ZNF804B: variants seen among roughly 807,000 people sequenced by gnomAD.
The protein encoded by ZNF804B is zinc finger protein 804B, also known as zinc finger 804B.
ZNF804B carries 80 observed loss-of-function variants against 101.4 expected under a neutral mutation model. That is an observed-to-expected ratio of 0.79 (90% CI 0.66 to 0.95). ZNF804B has a LOEUF of 0.95. ZNF804B is among the 40% of genes least tolerant of loss of function. The pLI is 0.00. For synonymous variants in ZNF804B, 622 were observed against 558.8 expected (o/e 1.11, Z -1.59); for missense variants, 1,673 against 1,561.9 (o/e 1.07, Z -1.20).
At chr7:89,023,526 A>C (rs1218868643) in intron 1 of ZNF804B, among the ~76,000 whole-genome samples, 3 of 152,200 alleles carry the variant, frequency 2.0e-5, no homozygotes, top group African/African-American at 7.2e-5. Context: ...AAATTGGTTA[A>C]TTCCTCTCTA....
At chr7:89,193,476 C>A (rs542958370) in intron 1 of ZNF804B, among the ~76,000 whole-genome samples, 1 of 122,502 alleles carries the variant, frequency 8.2e-6, no homozygotes, top group African/African-American at 3.0e-5. Context: ...CCCCACCCCA[C>A]AACAGTCCCC....
chr7:89,017,859 G>A (rs1038092803), intron 1 of ZNF804B, among the ~76,000 whole-genome samples: 23 of 151,902 alleles, frequency 1.5e-4, no homozygotes, highest in African/African-American at 5.3e-4. Flanking sequence ...TTTGTTGGTT[G>A]ATTTTTTTCT....
chr7:88,760,730 A>G (rs1291627595), intron 1 of ZNF804B, among the ~76,000 whole-genome samples: 1 of 151,682 alleles, frequency 6.6e-6, no homozygotes, highest in East Asian at 1.9e-4. Flanking sequence ...TTTAGTTACT[A>G]TTCAGTTTAT....
At chr7:88,925,852 G>T (rs560188600) in intron 1 of ZNF804B, among the ~76,000 whole-genome samples, 78 of 152,130 alleles carry the variant, frequency 5.1e-4, no homozygotes, top group Non-Finnish European at 9.1e-4. Context: ...AGGAAGCTCT[G>T]AAAGTAGGAA....
At chr7:88,872,333 C>G (rs1193651651) in intron 1 of ZNF804B, among the ~76,000 whole-genome samples, 1 of 152,076 alleles carries the variant, frequency 6.6e-6, no homozygotes, top group Non-Finnish European at 1.5e-5. Context: ...AGGAAAATGG[C>G]TTTAACCTAG....
chr7:88,965,928 T>C (rs1353850712), intron 1 of ZNF804B, among the ~76,000 whole-genome samples: 4 of 151,408 alleles, frequency 2.6e-5, no homozygotes, highest in Non-Finnish European at 4.4e-5. Flanking sequence ...ATACGGGTGA[T>C]TAAGAGGAAA....
At chr7:89,187,572 T>C (rs968635179) in intron 1 of ZNF804B, among the ~76,000 whole-genome samples, 10 of 152,262 alleles carry the variant, frequency 6.6e-5, no homozygotes, top group Non-Finnish European at 2.9e-5. Context: ...AGACATAAAA[T>C]TTACTGTAAT....
intron 1 of ZNF804B, among the ~76,000 whole-genome samples, chr7:89,185,620 A>G (rs924658823): frequency 6.6e-6 from 1 of 152,060 alleles, no homozygotes; most frequent in Non-Finnish European, 1.5e-5. Context: ...CCGCACTTTG[A>G]AAGGACGAGG....
At chr7:89,179,408 A>G (rs1296108900) in intron 1 of ZNF804B, among the ~76,000 whole-genome samples, 3 of 152,156 alleles carry the variant, frequency 2.0e-5, no homozygotes, top group African/African-American at 7.2e-5. Context: ...TGTTAAAAAA[A>G]AAATCTGCTA....
chr7:89,012,126 G>A (rs116182899), intron 1 of ZNF804B, among the ~76,000 whole-genome samples: 2,677 of 152,172 alleles, frequency 0.018, 84 homozygotes, highest in African/African-American at 0.061. Flanking sequence ...TGGGGCTTGC[G>A]CTCTCTGAGG....
At chr7:88,984,176 C>T (rs895139468) in intron 1 of ZNF804B, among the ~76,000 whole-genome samples, 1 of 152,124 alleles carries the variant, frequency 6.6e-6, no homozygotes, top group African/African-American at 2.4e-5. Context: ...TATGTGGATG[C>T]TCGATCTTGT....
At position 89,219,974 on chromosome 7, in the gene ZNF804B, T is replaced by C. The variant is rs62470303; in HGVS notation, c.249+1679T>C. ...ATACATATATGTGTGCATATATATG[T>C]ATATACATATGTGTGCATATATGTA... is the stretch of plus-strand genomic sequence containing the variant. On this transcript the variant is annotated intron_variant, in intron 2 of 3. Transcript: ENST00000333190. 7.9e-3 allele frequency among the ~76,000 whole-genome samples: 464 copies of C among 58,526 alleles called. 1 individual carries two copies. The highest frequency in any genetic ancestry group is 0.023 in the Middle Eastern group (2 of 88). 38.4% of individuals were successfully genotyped at this position (58,526 alleles called of 152,430 possible). A position where few individuals can be genotyped will look rare whatever the true frequency, so the allele number is the denominator to read the frequency against.
intron 1 of ZNF804B, among the ~76,000 whole-genome samples, chr7:89,117,772 C>CT (rs1790332694): frequency 2.0e-5 from 3 of 152,052 alleles, no homozygotes; most frequent in Admixed American, 1.3e-4. Flanking sequence ...GTTTTGAAGG[C>CT]TTGTAATCAT....
rs555617335 is a variant in ZNF804B, at chr7:89,268,667, G to A, written c.249+50372G>A. Reference sequence around the variant, plus strand: ...TCAACATTTTTCCTTCACGCAGCTCGGGTGTGAGTACCTGGCTTTAAAGCA... The same window carrying A: ...TCAACATTTTTCCTTCACGCAGCTCAGGTGTGAGTACCTGGCTTTAAAGCA... On this transcript the variant is annotated intron_variant, in intron 2 of 3. Coordinates refer to ENST00000333190, the MANE Select transcript of ZNF804B (RefSeq NM_181646.5). 1.3e-4 allele frequency among the ~76,000 whole-genome samples: 19 copies of A among 144,704 alleles called. No individual in the cohort carries two copies. In the South Asian group the frequency reaches 3.2e-3, roughly 25 times the overall value. The allele number at this position is 144,704 out of a possible 152,430, so 94.9% of individuals were successfully genotyped here. A position where few individuals can be genotyped will look rare whatever the true frequency, so the allele number is the denominator to read the frequency against.
chr7:89,281,193 A>G (rs1055367018), intron 2 of ZNF804B, among the ~76,000 whole-genome samples: 1 of 152,314 alleles, frequency 6.6e-6, no homozygotes, highest in East Asian at 1.9e-4. Context: ...ATAAGTTGGC[A>G]TGGTTATAAA....
chr7:89,251,519 G>GA (rs2115789105), intron 2 of ZNF804B, among the ~76,000 whole-genome samples: 1 of 147,176 alleles, frequency 6.8e-6, no homozygotes, highest in African/African-American at 2.5e-5. Flanking sequence ...AATCCATACT[G>GA]CCCAAAGCAA....
chr7:89,289,520 G>A (rs946839138), intron 2 of ZNF804B, among the ~76,000 whole-genome samples: 3 of 152,160 alleles, frequency 2.0e-5, no homozygotes, highest in African/African-American at 7.2e-5. Context: ...GCAGCCATGT[G>A]GTACAGAGAG....
At position 89,335,155 on chromosome 7, in the gene ZNF804B, A is replaced by T. The variant is rs1791055854; in HGVS notation, c.2173A>T (p.Thr725Ser). The T allele has an allele frequency of 1.9e-6, 3 of 1,613,888 alleles. No individual in the cohort carries two copies. Among genetic ancestry groups the T allele is most frequent in the Non-Finnish European group, 2.5e-6 (3 of 1,179,924 alleles). ...TAGCAGCATGTCTAGCTTGAGAAGT[A>T]CTTGTTCAAGTCATAGATTCAATGG... ...SPSSMSSLRS[T>S]CSSHRFNGNS... is the part of the protein sequence containing the mutation. Residue 725 changes from threonine (T) to serine (S), a missense_variant, in exon 4 of 4, where the codon ACT becomes TCT. By Grantham distance (58) the Thr-to-Ser change is moderately conservative (BLOSUM62 1). Transcript: ENST00000333190.
chr7:88,898,634 C>T (rs1053853669), intron 1 of ZNF804B, among the ~76,000 whole-genome samples: 1 of 152,150 alleles, frequency 6.6e-6, no homozygotes. Context: ...CTGTTATTAA[C>T]AGTATTTTCA....
Sources: gnomAD v4.1 joint callset for allele counts (sites outside exome capture counted in the v4.1 genomes callset) on GRCh38, gnomAD v4.1.1 for gene constraint, MANE v1.5 for transcripts, NCBI Gene and HGNC (gene_info 2026-07-23, HGNC 2026-07-21) for gene names.